Variants in MYO1B observed in about 807,000 individuals in gnomAD.
MYO1B encodes unconventional myosin-Ib.
Under a neutral mutation model 159.7 loss-of-function variants are expected in MYO1B, and 72 were observed. The ratio of observed to expected loss-of-function variants is 0.45; its 90% CI spans 0.37 to 0.55. The LOEUF is 0.55. Among genes scored for constraint, MYO1B ranks in the 20% least tolerant of loss-of-function variants. The pLI is 0.00. For missense variants in MYO1B, 1,062 were observed against 1,364.8 expected (o/e 0.78, Z 3.50); for synonymous variants, 468 against 473.8 (o/e 0.99, Z 0.16).
chr2:191,253,612 T>C (rs1686260657), intron 1 of MYO1B, among the ~76,000 whole-genome samples: 1 of 152,148 alleles, frequency 6.6e-6, no homozygotes, highest in Non-Finnish European at 1.5e-5. Context: ...CAATGAAATG[T>C]TGAAAGTAAC....
At chr2:191,304,776 A>G (rs1201120557) in intron 3 of MYO1B, among the ~76,000 whole-genome samples, 1 of 152,226 alleles carries the variant, frequency 6.6e-6, no homozygotes, top group Non-Finnish European at 1.5e-5. Flanking sequence ...TGTTTCTGGT[A>G]CATCTGGGCA....
chr2:191,415,791 T>C (rs987592444), intron 29 of MYO1B, among the ~76,000 whole-genome samples: 1 of 152,160 alleles, frequency 6.6e-6, no homozygotes, highest in South Asian at 2.1e-4. Flanking sequence ...TGTAAACCCA[T>C]ACCTGGAGGT....
intron 1 of MYO1B, 50 bp from the exon 2 acceptor site, chr2:191,276,837 T>G (rs948228840): frequency 2.6e-6 from 4 of 1,560,854 alleles, no homozygotes; most frequent in Non-Finnish European, 3.5e-6. Context: ...AAGAACCTAT[T>G]TGAAATTATT....
chr2:191,400,917 T>C, intron 23 of MYO1B, 82 bp downstream of exon 23: 1 of 1,303,498 alleles, frequency 7.7e-7, no homozygotes, highest in Non-Finnish European at 1.1e-6. Context: ...AGGGGATGAA[T>C]GACTACAATT....
At chr2:191,390,661 G>A (rs1313481223) in intron 18 of MYO1B, among the ~76,000 whole-genome samples, 169 bp downstream of exon 18, 1 of 152,306 alleles carries the variant, frequency 6.6e-6, no homozygotes, top group South Asian at 2.1e-4. Flanking sequence ...GTCAAAATAA[G>A]ACTTACCAAA....
rs1000970635 is a variant in MYO1B at position 191,392,587 on chromosome 2, ATTTTT to A, written c.2076+390_2076+394del. On this transcript the variant is annotated intron_variant, in intron 19 of 30. Transcript: ENST00000392318. ...GGTACAGGAAAGCACTAAAATGAAA[ATTTTT>A]TTTAAGTTAAAAAAAATACTTTTAG... is the stretch of plus-strand genomic sequence containing the variant. Among the ~76,000 whole-genome samples, 4 of 152,212 alleles carry A rather than the reference ATTTTT, an allele frequency of 2.6e-5. No homozygotes were observed. The South Asian group carries it at 6.2e-4, about 24-fold the overall frequency.
rs185966878 is a variant in MYO1B, at chr2:191,413,928, A to G, written c.2874-120A>G. Reference sequence around the variant, plus strand: ...GATGTAAGTGTAATATATAAAATAAATTGAAATCAATTTTTATGAAGTTGT... The same window carrying G: ...GATGTAAGTGTAATATATAAAATAAGTTGAAATCAATTTTTATGAAGTTGT... On this transcript the variant is annotated intron_variant, in intron 27 of 30. Transcript: ENST00000392318. The G allele has an allele frequency of 4.5e-4, 455 of 1,013,632 alleles. 2 individuals carry two copies. In the African/African-American group the frequency reaches 6.6e-3, roughly 15 times the overall value. 62.8% of individuals were successfully genotyped at this position (1,013,632 alleles called of 1,614,324 possible).
intron 2 of MYO1B, among the ~76,000 whole-genome samples, chr2:191,287,254 G>A (rs188320288): frequency 2.0e-4 from 31 of 152,210 alleles, no homozygotes; most frequent in East Asian, 5.8e-4. Context: ...CAGGCCAGGC[G>A]CGGTGGCTCA....
At chr2:191,276,801 C>A in intron 1 of MYO1B, 86 bp from the exon 2 acceptor site, 6 of 1,427,686 alleles carry the variant, frequency 4.2e-6, no homozygotes, top group Non-Finnish European at 5.7e-6. Flanking sequence ...TTGGAGCTAC[C>A]AGTGTTGGAT....
intron 3 of MYO1B, among the ~76,000 whole-genome samples, chr2:191,296,920 G>A (rs1460366201): frequency 6.6e-6 from 1 of 152,178 alleles, no homozygotes; most frequent in African/African-American, 2.4e-5. Context: ...AGTTTGCCTG[G>A]ATTTGGTAGA....
At chr2:191,314,080 A>T (rs1024268546) in intron 3 of MYO1B, among the ~76,000 whole-genome samples, 1 of 152,206 alleles carries the variant, frequency 6.6e-6, no homozygotes. Context: ...CTTCTGTGTG[A>T]ATTTAAACAT....
At chr2:191,407,906 A>C (rs1308476421) in intron 24 of MYO1B, 2 of 392,726 alleles carry the variant, frequency 5.1e-6, no homozygotes, top group African/African-American at 2.1e-5. Flanking sequence ...ACATCAATTC[A>C]TGCTGGTTTC....
chr2:191,248,615 T>C (rs2125646341), intron 1 of MYO1B, among the ~76,000 whole-genome samples: 1 of 152,306 alleles, frequency 6.6e-6, no homozygotes, highest in East Asian at 1.9e-4. Context: ...ACATCACAAT[T>C]CAAAATTCTA....
At chr2:191,249,886 G>T (rs1239689267) in intron 1 of MYO1B, among the ~76,000 whole-genome samples, 1 of 152,170 alleles carries the variant, frequency 6.6e-6, no homozygotes, top group African/African-American at 2.4e-5. Context: ...CAGACACATG[G>T]TTTGCTAAAC....
chr2:191,306,856 G>C (rs1474775052), intron 3 of MYO1B, among the ~76,000 whole-genome samples: 1 of 152,172 alleles, frequency 6.6e-6, no homozygotes, highest in Admixed American at 6.5e-5. Flanking sequence ...ATTGACAGCA[G>C]ATAATTGTAT....
rs2126133476 is a variant in MYO1B at position 191,400,263 on chromosome 2, G to C, written c.2296-119G>C. 30 of 1,103,384 alleles carry C rather than the reference G, an allele frequency of 2.7e-5. No individual in the cohort carries two copies. In the South Asian group the frequency reaches 3.7e-4, roughly 14 times the overall value. The allele number at this position is 1,103,384 out of a possible 1,614,324, so 68.3% of individuals were successfully genotyped here. On this transcript the variant is annotated intron_variant, in intron 21 of 30. Coordinates refer to ENST00000392318, the MANE Select transcript of MYO1B (RefSeq NM_001130158.3). ...TAGTCACCTTCGCCTTCTTTAACCTGTTGATTTATCACAATAGCATGGGTG... is the reference window on the plus strand; with the variant it reads ...TAGTCACCTTCGCCTTCTTTAACCTCTTGATTTATCACAATAGCATGGGTG...
chr2:191,282,787 C>T (rs1688141325), intron 2 of MYO1B, among the ~76,000 whole-genome samples: 1 of 152,180 alleles, frequency 6.6e-6, no homozygotes, highest in Non-Finnish European at 1.5e-5. Flanking sequence ...TTTAATGCCA[C>T]CTCCAATCCC....
intron 1 of MYO1B, among the ~76,000 whole-genome samples, chr2:191,247,123 A>T (rs1250983052): frequency 6.6e-6 from 1 of 152,176 alleles, no homozygotes; most frequent in Non-Finnish European, 1.5e-5. Flanking sequence ...ATTTCCAGGC[A>T]TTCATGGTTT....
intron 3 of MYO1B, among the ~76,000 whole-genome samples, chr2:191,309,574 G>C (rs1283239149): frequency 6.6e-6 from 1 of 152,124 alleles, no homozygotes; most frequent in African/African-American, 2.4e-5. Context: ...GGCTCCACTT[G>C]ATCTGGGCTC....
Sources: gnomAD v4.1 joint callset for allele counts (sites outside exome capture counted in the v4.1 genomes callset) on GRCh38, gnomAD v4.1.1 for gene constraint, MANE v1.5 for transcripts, NCBI Gene and HGNC (gene_info 2026-07-23, HGNC 2026-07-21) for gene names.